Variants in CPEB1 observed in about 807,000 individuals in gnomAD.
CPEB1 encodes the protein cytoplasmic polyadenylation element-binding protein 1.
CPEB1 carries 7 observed loss-of-function variants against 65.8 expected under a neutral mutation model. The ratio of observed to expected loss-of-function variants is 0.11; its 90% CI spans 0.06 to 0.20. The LOEUF (loss-of-function observed/expected upper bound fraction) is 0.20, where lower values mean the gene tolerates loss of function less well. Among genes scored for constraint, CPEB1 ranks in the 10% least tolerant of loss-of-function variants. CPEB1 has a pLI of 1.00. For missense variants in CPEB1, 551 were observed against 712.2 expected, an observed-to-expected ratio of 0.77 and a Z score of 2.58; for synonymous variants, 262 against 260.0, an observed-to-expected ratio of 1.01 and a Z score of -0.08.
chr15:82,639,365 G>C (rs1476958629), intron 1 of CPEB1, among the ~76,000 whole-genome samples: 1 of 152,122 alleles, frequency 6.6e-6, no homozygotes, highest in Non-Finnish European at 1.5e-5. Context: ...AGGTTCCCCT[G>C]TGCCCTTTCC....
chr15:82,572,942 G>A (rs1220979977), intron 3 of CPEB1: 1 of 1,224,618 alleles, frequency 8.2e-7, no homozygotes, highest in East Asian at 2.8e-5. Context: ...ATGAGCCCAG[G>A]GTCACTGGGC....
At chr15:82,569,757 C>T (rs1360770327) in intron 4 of CPEB1, among the ~76,000 whole-genome samples, 1 of 152,212 alleles carries the variant, frequency 6.6e-6, no homozygotes, top group Non-Finnish European at 1.5e-5. Flanking sequence ...CAAAGAAGGG[C>T]TATACTTCAA....
rs537526500 is a variant in CPEB1, at chr15:82,546,339, C to T, written c.1656+102G>A. On this transcript the variant is annotated intron_variant, in intron 12 of 12. Coordinates refer to ENST00000684509, the MANE Select transcript of CPEB1 (RefSeq NM_001365242.1). ...TGGCCAGGCTGGTCCTCCTGATCCG[C>T]CCACCTTGGCATCCCAAAGTGCTGG... 5 of 888,870 alleles carry T rather than the reference C, an allele frequency of 5.6e-6. No homozygotes were observed. In the South Asian group the frequency reaches 6.0e-5, roughly 11 times the overall value. The allele number at this position is 888,870 out of a possible 1,614,324, so 55.1% of individuals were successfully genotyped here.
intron 3 of CPEB1, among the ~76,000 whole-genome samples, chr15:82,624,525 G>A (rs1303177464): frequency 1.3e-5 from 2 of 152,114 alleles, no homozygotes; most frequent in Non-Finnish European, 2.9e-5. Flanking sequence ...TGTTCTAAGA[G>A]GCTGAGAAGG....
chr15:82,636,909 T>C (rs2046709025), intron 1 of CPEB1, among the ~76,000 whole-genome samples: 1 of 152,238 alleles, frequency 6.6e-6, no homozygotes, highest in African/African-American at 2.4e-5. Flanking sequence ...CTTCTCCCTG[T>C]CAAAATTCTC....
rs1422794234 is a variant in CPEB1 at position 82,629,839 on chromosome 15, TAC to T, written c.-97-1285_-97-1284del. The T allele has an allele frequency of 9.1e-6, 9 of 985,338 alleles. No homozygotes were observed. The African/African-American group carries it at 1.6e-4, about 17-fold the overall frequency. 61.0% of individuals were successfully genotyped at this position (985,338 alleles called of 1,614,324 possible). A position where few individuals can be genotyped will look rare whatever the true frequency, so the allele number is the denominator to read the frequency against. On this transcript the variant is annotated intron_variant, in intron 1 of 12. Coordinates refer to ENST00000684509, the MANE Select transcript of CPEB1 (RefSeq NM_001365242.1). Reference sequence around the variant, plus strand: ...GAGCATGAGAATGACCAAGAGCATTTACAGTTTTACCAACTCTGCAGGATGAC... The same window carrying T: ...GAGCATGAGAATGACCAAGAGCATTTAGTTTTACCAACTCTGCAGGATGAC...
chr15:82,586,243 C>CAA (rs11313085), intron 3 of CPEB1, among the ~76,000 whole-genome samples: 2,457 of 111,100 alleles, frequency 0.022, 21 homozygotes, highest in Non-Finnish European at 0.032. Flanking sequence ...TTTTCAGATA[C>CAA]AAAAAAAAAA....
In CPEB1 at chr15:82,613,488, A is replaced by G. The variant is rs1020737587; in HGVS notation, c.271+13705T>C. 3.3e-5 allele frequency among the ~76,000 whole-genome samples: 5 copies of G among 152,096 alleles called. No homozygotes were observed. In the East Asian group the frequency reaches 5.8e-4, roughly 18 times the overall value. On this transcript the variant is annotated intron_variant, in intron 3 of 12. Transcript: ENST00000684509. The stretch of plus-strand genomic sequence containing the variant: ...CTGCAATCTCCACCTCCTGAGCTCA[A>G]GCGATCCTCCCACCTCAGCCCCAAG...
chr15:82,558,840 G>C (rs952845250), intron 4 of CPEB1, among the ~76,000 whole-genome samples: 1 of 152,216 alleles, frequency 6.6e-6, no homozygotes, highest in Admixed American at 6.5e-5. Flanking sequence ...TTCCACACTT[G>C]GCCTTGGGGA....
chr15:82,579,918 C>CAAAAA (rs59925251), intron 3 of CPEB1, among the ~76,000 whole-genome samples: 9 of 32,680 alleles, frequency 2.8e-4, no homozygotes, highest in African/African-American at 3.1e-4. Context: ...GACTCCGTCT[C>CAAAAA]AAAAAAAAAA....
chr15:82,647,714 C>G (rs2047697066), upstream of CPEB1: 1 of 669,708 alleles, frequency 1.5e-6, no homozygotes, highest in Non-Finnish European at 2.1e-6. Flanking sequence ...CGCCCGCGGG[C>G]ACGTGACCGC....
At chr15:82,592,941 G>A (rs989441659) in intron 3 of CPEB1, among the ~76,000 whole-genome samples, 2 of 152,142 alleles carry the variant, frequency 1.3e-5, no homozygotes, top group South Asian at 2.1e-4. Flanking sequence ...AGGTTGCAGT[G>A]AGCCAAGATT....
intron 4 of CPEB1, among the ~76,000 whole-genome samples, chr15:82,565,226 G>A (rs901139886): frequency 6.6e-6 from 1 of 152,150 alleles, no homozygotes; most frequent in Non-Finnish European, 1.5e-5. Context: ...TACCTCTATA[G>A]GGTCTGGCCA....
chr15:82,630,558 A>C (rs1228313675), intron 1 of CPEB1, among the ~76,000 whole-genome samples: 2 of 152,082 alleles, frequency 1.3e-5, no homozygotes. Flanking sequence ...GTGAGCAGAG[A>C]TTGTGCCACC....
chr15:82,611,272 T>C (rs551885780), intron 3 of CPEB1, among the ~76,000 whole-genome samples: 1 of 152,174 alleles, frequency 6.6e-6, no homozygotes, highest in South Asian at 2.1e-4. Flanking sequence ...AAAAACCAGC[T>C]CTATTTCTAT....
intron 1 of CPEB1, among the ~76,000 whole-genome samples, chr15:82,634,458 CTCTGGGTTGATTTT>C (rs1235046972): frequency 6.6e-6 from 1 of 152,178 alleles, no homozygotes; most frequent in Non-Finnish European, 1.5e-5. Context: ...CAACTATCAT[CTCTGGGTTGATTTT>C]TATTCAGTTT....
At chr15:82,545,176 C>G (rs1443175397) in intron 12 of CPEB1, among the ~76,000 whole-genome samples, 1 of 152,186 alleles carries the variant, frequency 6.6e-6, no homozygotes, top group Non-Finnish European at 1.5e-5. Flanking sequence ...TGCTGTGTAA[C>G]GTCAGGCAAG....
chr15:82,543,906 A>G lies in CPEB1; in HGVS notation c.*686T>C, dbSNP rs1050533877. 4 of 152,320 alleles carry G rather than the reference A, an allele frequency of 2.6e-5. No individual in the cohort carries two copies. Among genetic ancestry groups the G allele is most frequent in the Non-Finnish European group, 4.4e-5 (3 of 68,036 alleles). 9.4% of individuals were successfully genotyped at this position (152,320 alleles called of 1,614,324 possible). On this transcript the variant is annotated 3_prime_UTR_variant, in exon 13 of 13. Coordinates refer to ENST00000684509, the MANE Select transcript of CPEB1 (RefSeq NM_001365242.1). ...AGTCCCCCAGACACAAATTTGCTAT[A>G]ATGTTAAAAGCTGCCAGGAAAGAAA... is the stretch of plus-strand genomic sequence containing the variant.
chr15:82,583,720 C>T (rs1415948507), intron 3 of CPEB1, among the ~76,000 whole-genome samples: 1 of 152,114 alleles, frequency 6.6e-6, no homozygotes, highest in Non-Finnish European at 1.5e-5. Flanking sequence ...CTCCAAAATA[C>T]GAAAACTGAA....
Sources: allele counts gnomAD v4.1 joint callset (sites outside exome capture counted in the v4.1 genomes callset), GRCh38; gene constraint gnomAD v4.1.1; transcripts MANE v1.5; gene names NCBI Gene and HGNC (gene_info 2026-07-23, HGNC 2026-07-21).